Variants in FAM210A observed in about 807,000 individuals in gnomAD.
FAM210A encodes the protein mitochondrial inner membrane scaffold 1, also known as family with sequence similarity 210 member A.
FAM210A carries 13 observed loss-of-function variants against 25.3 expected under a neutral mutation model. The observed-to-expected ratio is 0.51, with a 90% CI of 0.33 to 0.82. The LOEUF (loss-of-function observed/expected upper bound fraction) is 0.82. Ranked by LOEUF, FAM210A falls within the 40% of genes least tolerant of loss-of-function variation. The pLI is 0.02. For synonymous variants in FAM210A, 125 were observed against 118.7 expected (o/e 1.05, Z -0.35); for missense variants, 319 against 323.2 (o/e 0.99, Z 0.10).
At position 13,695,110 on chromosome 18, in the gene FAM210A, A is replaced by G. The variant is rs2043681279; in HGVS notation, c.-28-13005T>C. Among the ~76,000 whole-genome samples, 3 of 152,354 alleles carry G rather than the reference A, an allele frequency of 2.0e-5. No homozygotes were observed. In the South Asian group the frequency reaches 6.2e-4, roughly 32 times the overall value. On this transcript the variant is annotated intron_variant, in intron 1 of 3. Coordinates refer to ENST00000651643, the MANE Select transcript of FAM210A (RefSeq NM_152352.4). The stretch of plus-strand genomic sequence containing the variant: ...TTTATGCAGCCAACAGACACATGAA[A>G]AAATGCTCATCATCACTGGCCATCA...
intron 1 of FAM210A, among the ~76,000 whole-genome samples, chr18:13,719,131 T>C (rs1298681240): frequency 6.6e-6 from 1 of 152,226 alleles, no homozygotes; most frequent in Non-Finnish European, 1.5e-5. Flanking sequence ...TTCTTAACAT[T>C]ATATATGACA....
At chr18:13,669,994 G>A (rs766073575) in intron 3 of FAM210A, among the ~76,000 whole-genome samples, 11 of 152,146 alleles carry the variant, frequency 7.2e-5, no homozygotes, top group Admixed American at 2.0e-4. Flanking sequence ...CTTCACAGAG[G>A]AATAGTGAGG....
chr18:13,670,501 T>C (rs1047758899), intron 3 of FAM210A, among the ~76,000 whole-genome samples: 4 of 152,238 alleles, frequency 2.6e-5, no homozygotes, highest in Non-Finnish European at 5.9e-5. Context: ...TGTAAAACTG[T>C]AATTCTTAGA....
At position 13,671,993 on chromosome 18, in the gene FAM210A, A is replaced by C; in HGVS notation, c.474-20T>G. 1 of 1,502,084 alleles carries C rather than the reference A, an allele frequency of 6.7e-7. No individual in the cohort carries two copies. Among genetic ancestry groups the C allele is most frequent in the Non-Finnish European group, 9.2e-7 (1 of 1,085,630 alleles). 93.0% of individuals were successfully genotyped at this position (1,502,084 alleles called of 1,614,324 possible). ...ACTCCTCTACAAAAAAAAAAAAGTA[A>C]TTTTCATATGTACAAACTTTTAATG... On this transcript the variant is annotated intron_variant, in intron 2 of 3. Coordinates refer to ENST00000651643, the MANE Select transcript of FAM210A (RefSeq NM_152352.4).
intron 1 of FAM210A, among the ~76,000 whole-genome samples, chr18:13,718,998 T>C (rs188957020): frequency 1.3e-5 from 2 of 152,330 alleles, no homozygotes. Flanking sequence ...AATTTTAAAA[T>C]ATCTTTTTAA....
chr18:13,671,823 G>T, intron 3 of FAM210A, 39 bp downstream of exon 3: 1 of 1,335,758 alleles, frequency 7.5e-7, no homozygotes, highest in Non-Finnish European at 1.1e-6. Flanking sequence ...GTCACCACCA[G>T]TGAGTTCTGA....
intron 1 of FAM210A, among the ~76,000 whole-genome samples, chr18:13,693,150 G>A (rs1204387414): frequency 6.6e-6 from 1 of 152,222 alleles, no homozygotes; most frequent in Admixed American, 6.5e-5. Context: ...AAATCTAGAA[G>A]AAATGGATAA....
intron 2 of FAM210A, among the ~76,000 whole-genome samples, chr18:13,679,684 C>T (rs543078977): frequency 2.0e-5 from 3 of 152,102 alleles, no homozygotes; most frequent in South Asian, 4.2e-4. Flanking sequence ...AACAAATAGC[C>T]CCAAAGCAAG....
In FAM210A at chr18:13,666,543, A is replaced by G. The variant is rs779628499; in HGVS notation, c.756T>C (p.Asp252=). 52 of 1,614,088 alleles carry G rather than the reference A, an allele frequency of 3.2e-5. No homozygotes were observed. Among genetic ancestry groups the G allele is most frequent in the Non-Finnish European group, 4.4e-5 (52 of 1,180,008 alleles). ...TTTCTTGTAACTTTTCAGTGAGTCT[A>G]TCTTTTGTTTCTTCCATTTTCTCTG... ...LITEKMEETK[D]RLTEKLQETK... Residue 252 remains aspartate (D), a synonymous_variant, in exon 4 of 4, where the codon GAT becomes GAC. Coordinates refer to ENST00000651643, the MANE Select transcript of FAM210A (RefSeq NM_152352.4).
chr18:13,712,135 G>A (rs891965455), intron 1 of FAM210A, among the ~76,000 whole-genome samples: 1 of 152,122 alleles, frequency 6.6e-6, no homozygotes, highest in African/African-American at 2.4e-5. Context: ...AAAAATAATG[G>A]TGAAAAGACC....
At chr18:13,718,643 T>C (rs1207089407) in intron 1 of FAM210A, among the ~76,000 whole-genome samples, 1 of 152,218 alleles carries the variant, frequency 6.6e-6, no homozygotes, top group African/African-American at 2.4e-5. Context: ...CCAAACTATA[T>C]AAATTTCATT....
chr18:13,688,128 T>C (rs747699539), intron 1 of FAM210A, among the ~76,000 whole-genome samples: 24 of 152,110 alleles, frequency 1.6e-4, no homozygotes, highest in Non-Finnish European at 2.9e-4. Context: ...TCTGATACAA[T>C]GATAGGGACA....
chr18:13,702,630 C>G (rs2043749381), intron 1 of FAM210A, among the ~76,000 whole-genome samples: 1 of 152,178 alleles, frequency 6.6e-6, no homozygotes, highest in Admixed American at 6.5e-5. Context: ...TAGTTAAAAG[C>G]CTTTGCAAGC....
At chr18:13,700,065 T>C (rs1289186031) in intron 1 of FAM210A, among the ~76,000 whole-genome samples, 1 of 152,234 alleles carries the variant, frequency 6.6e-6, no homozygotes, top group African/African-American at 2.4e-5. Flanking sequence ...TATAATTCAA[T>C]TTAATTCTAA....
rs1268573115 is a variant in FAM210A at position 13,663,860 on chromosome 18, A to G, written c.*2620T>C. ...AAATATAAATGTAGACATGTAAGAC[A>G]CAGGGCTGCTTCTGCCGAGCACTCG... On this transcript the variant is annotated 3_prime_UTR_variant, in exon 4 of 4. Transcript: ENST00000651643. 1 of 152,216 alleles carries G rather than the reference A, an allele frequency of 6.6e-6. No homozygotes were observed. The highest frequency in any genetic ancestry group is 1.5e-5 in the Non-Finnish European group (1 of 68,056). The allele number at this position is 152,216 out of a possible 1,614,324, so 9.4% of individuals were successfully genotyped here. A position where few individuals can be genotyped will look rare whatever the true frequency, so the allele number is the denominator to read the frequency against.
At chr18:13,693,264 C>T (rs1194981157) in intron 1 of FAM210A, among the ~76,000 whole-genome samples, 2 of 152,236 alleles carry the variant, frequency 1.3e-5, no homozygotes, top group Admixed American at 6.5e-5. Context: ...AGCCCACCAA[C>T]CAAAAAAAGT....
chr18:13,686,569 G>A (rs2043598882), intron 1 of FAM210A, among the ~76,000 whole-genome samples: 2 of 152,028 alleles, frequency 1.3e-5, no homozygotes, highest in Non-Finnish European at 2.9e-5. Context: ...TATGCTCCTG[G>A]GTTGCAATCC....
At chr18:13,681,301 G>A (rs548215198) in intron 2 of FAM210A, among the ~76,000 whole-genome samples, 2 of 152,104 alleles carry the variant, frequency 1.3e-5, no homozygotes, top group South Asian at 4.1e-4. Context: ...GGGAAAAGCT[G>A]AACTATTTTT....
intron 1 of FAM210A, among the ~76,000 whole-genome samples, chr18:13,706,814 A>G (rs1339021697): frequency 6.6e-6 from 1 of 152,264 alleles, no homozygotes; most frequent in Non-Finnish European, 1.5e-5. Flanking sequence ...CTATGAAGAA[A>G]TACGTCAAAT....
Sources: gnomAD v4.1 joint callset for allele counts (sites outside exome capture counted in the v4.1 genomes callset) on GRCh38, gnomAD v4.1.1 for gene constraint, MANE v1.5 for transcripts, NCBI Gene and HGNC (gene_info 2026-07-23, HGNC 2026-07-21) for gene names.